Variants in SLC17A1 observed in about 807,000 individuals in gnomAD.
SLC17A1 encodes the protein solute carrier family 17 member 1.
Under a neutral mutation model 53.5 loss-of-function variants are expected in SLC17A1, and 51 were observed. The observed-to-expected ratio is 0.95, with a 90% confidence interval of 0.76 to 1.20. The LOEUF is 1.20. SLC17A1 is among the 50% of genes most tolerant of loss of function. SLC17A1 has a pLI of 0.00. For synonymous variants in SLC17A1, 179 were observed against 198.8 expected, an observed-to-expected ratio of 0.90 and a Z score of 0.84; for missense variants, 538 against 568.2, an observed-to-expected ratio of 0.95 and a Z score of 0.54.
the SLC17A1 span, chr6:25,769,132 G>C: frequency 6.2e-7 from 1 of 1,613,996 alleles, no homozygotes; most frequent in Non-Finnish European, 8.5e-7. Flanking sequence ...TCCACAGAAC[G>C]GCCCTCCACT....
chr6:25,791,486 A>C, intron 12 of SLC17A1, among the ~76,000 whole-genome samples: 1 of 152,230 alleles, frequency 6.6e-6, no homozygotes, highest in East Asian at 1.9e-4. Context: ...TTTTACTAAA[A>C]GTTGGTATTT....
Position 25,813,182 on chromosome 6 carries a change from C to A in SLC17A1, c.648G>T (p.Trp216Cys). ...TGGGGTCATCATAAAACAGAACGAA[C>A]CAGAGAAGACATACGGCACAGCCAC... ...GACGCAVCLL[W>C]FVLFYDDPKD... Residue 216 changes from tryptophan to cysteine, a missense_variant, in exon 7 of 13, where the codon TGG (tryptophan) becomes TGT (cysteine). Transcript: ENST00000244527. The A allele has an allele frequency of 6.2e-7, 1 of 1,614,118 alleles. No individual in the cohort carries two copies. Among genetic ancestry groups the A allele is most frequent in the Non-Finnish European group, 8.5e-7 (1 of 1,180,002 alleles).
the SLC17A1 span, among the ~76,000 whole-genome samples, chr6:25,751,512 A>G: frequency 6.6e-6 from 1 of 152,220 alleles, no homozygotes; most frequent in Non-Finnish European, 1.5e-5. Context: ...TGTAAGAGCA[A>G]GCACTTGGCT....
the SLC17A1 span, among the ~76,000 whole-genome samples, chr6:25,771,817 A>G: frequency 1.3e-5 from 2 of 152,148 alleles, no homozygotes; most frequent in African/African-American, 2.4e-5. Flanking sequence ...TGTGAGGTTC[A>G]GAAGTGGACA....
the SLC17A1 span, among the ~76,000 whole-genome samples, chr6:25,741,157 A>T: frequency 6.6e-6 from 1 of 152,338 alleles, no homozygotes; most frequent in African/African-American, 2.4e-5. Context: ...CTAAAAGAGA[A>T]GATTTGTAAT....
At chr6:25,798,159 G>A (rs1763643450) in intron 12 of SLC17A1, among the ~76,000 whole-genome samples, 1 of 151,916 alleles carries the variant, frequency 6.6e-6, no homozygotes, top group Non-Finnish European at 1.5e-5. Flanking sequence ...ATTTATTGAG[G>A]GTTGCAAAAT....
At chr6:25,826,803 T>A (rs937849395) in intron 2 of SLC17A1, among the ~76,000 whole-genome samples, 170 bp from the exon 3 acceptor site, 3 of 152,150 alleles carry the variant, frequency 2.0e-5, no homozygotes, top group Non-Finnish European at 4.4e-5. Context: ...GAGACTGATA[T>A]AATAATACCA....
downstream of SLC17A1, among the ~76,000 whole-genome samples, chr6:25,782,303 C>T (rs1174130625): frequency 2.0e-5 from 3 of 152,216 alleles, no homozygotes; most frequent in African/African-American, 4.8e-5. Flanking sequence ...TATCGCCACA[C>T]TGTTCCTCAG....
At chr6:25,773,644 C>A in the SLC17A1 span, 2 of 1,613,690 alleles carry the variant, frequency 1.2e-6, no homozygotes, top group Non-Finnish European at 1.7e-6. Flanking sequence ...CAACGTACAT[C>A]AGCTCGGTAC....
chr6:25,820,678 A>G (rs1315758883), intron 3 of SLC17A1, among the ~76,000 whole-genome samples: 1 of 152,028 alleles, frequency 6.6e-6, no homozygotes, highest in East Asian at 1.9e-4. Flanking sequence ...CAGGAGATCG[A>G]GACCATCCTG....
At position 25,811,741 on chromosome 6, in the gene SLC17A1, C is replaced by T; in HGVS notation, c.927G>A (p.Leu309=). 1 of 1,613,704 alleles carries T rather than the reference C, an allele frequency of 6.2e-7. No homozygotes were observed. Among genetic ancestry groups the T allele is most frequent in the African/African-American group, 1.3e-5 (1 of 74,984 alleles). The part of the protein sequence containing the change: ...ENGFLSSLPY[L]FAWICGNLAG... ...CTAGGTTACCACAGATCCAGGCAAA[C>T]AAATAGGGAAGGGAAGACAAGAACC... The change falls in exon 9 of 13, where the codon TTG becomes TTA. Residue 309 remains leucine (L), a synonymous_variant. Transcript: ENST00000244527.
chr6:25,756,596 C>T, the SLC17A1 span, among the ~76,000 whole-genome samples: 1 of 152,202 alleles, frequency 6.6e-6, no homozygotes, highest in Non-Finnish European at 1.5e-5. Context: ...CCTCCCTTCA[C>T]CCTCGGCTGT....
chr6:25,725,687 C>T, the SLC17A1 span, among the ~76,000 whole-genome samples: 1 of 152,138 alleles, frequency 6.6e-6, no homozygotes, highest in Non-Finnish European at 1.5e-5. Context: ...TAACTTTCGC[C>T]TCCCGGACTC....
At chr6:25,762,257 T>C in the SLC17A1 span, among the ~76,000 whole-genome samples, 1 of 152,212 alleles carries the variant, frequency 6.6e-6, no homozygotes, top group African/African-American at 2.4e-5. Flanking sequence ...TTTGAAGGTA[T>C]ATAAGACAGG....
At position 25,808,326 on chromosome 6, in the gene SLC17A1, A is replaced by G. The variant is rs1242140577; in HGVS notation, c.1178+3072T>C. Among the ~76,000 whole-genome samples the G allele has an allele frequency of 3.9e-5, 6 of 151,910 alleles. No individual in the cohort carries two copies. In the South Asian group the frequency reaches 1.2e-3, roughly 31 times the overall value. On this transcript the variant is annotated intron_variant, in intron 10 of 12. Coordinates refer to ENST00000244527, the MANE Select transcript of SLC17A1 (RefSeq NM_005074.5). ...AAAGGCATACAGAGTGATATAATGA[A>G]CTATGGAGACTGAGAGGGGAGAAAA... is the stretch of plus-strand genomic sequence containing the variant.
chr6:25,726,001 C>T, the SLC17A1 span: 4 of 802,114 alleles, frequency 5.0e-6, no homozygotes, highest in Non-Finnish European at 7.7e-6. Flanking sequence ...TTGTGACAGG[C>T]AAGTAAGATG....
rs113050651 is a variant in SLC17A1 at position 25,814,401 on chromosome 6, T to A, written c.617-1188A>T. On this transcript the variant is annotated intron_variant, in intron 6 of 12. Transcript: ENST00000244527. ...AAAATTCATATAATACTGTTTATTA[T>A]CTCTTTTTCAAAATGAGCAAACTGA... Among the ~76,000 whole-genome samples the A allele has an allele frequency of 1.3e-5, 2 of 152,308 alleles. 1 individual carries two copies. Among genetic ancestry groups the A allele is most frequent in the African/African-American group, 4.8e-5 (2 of 41,556 alleles).
Position 25,819,111 on chromosome 6 carries a change from A to C in SLC17A1, c.573T>G (p.Val191=), listed in dbSNP as rs764014244. 1 of 1,611,252 alleles carries C rather than the reference A, an allele frequency of 6.2e-7. No individual in the cohort carries two copies. Among genetic ancestry groups the C allele is most frequent in the Non-Finnish European group, 8.5e-7 (1 of 1,178,996 alleles). Residue 191 remains valine (V), a synonymous_variant, in exon 6 of 13, where the codon GTT becomes GTG. Transcript: ENST00000244527. ...TGGGCCAGCCCAGAGATTCACAGAT[A>C]ACTCCAGTCACAAGTAGGACAATAA... ...GPFIVLLVTG[V]ICESLGWPMV...
the SLC17A1 span, among the ~76,000 whole-genome samples, chr6:25,732,307 G>T: frequency 6.6e-6 from 1 of 152,194 alleles, no homozygotes; most frequent in Non-Finnish European, 1.5e-5. Flanking sequence ...TAAGGCAATA[G>T]CAGTAAGGTT....
Sources: allele counts gnomAD v4.1 joint callset (sites outside exome capture counted in the v4.1 genomes callset), GRCh38; gene constraint gnomAD v4.1.1; transcripts MANE v1.5; gene names NCBI Gene and HGNC (gene_info 2026-07-23, HGNC 2026-07-21).